FBXO8: variants seen among roughly 807,000 people sequenced by gnomAD.
FBXO8 encodes F-box only protein 8.
FBXO8 carries 15 observed loss-of-function variants against 33.4 expected under a neutral mutation model. The ratio of observed to expected loss-of-function variants is 0.45; its 90% CI spans 0.30 to 0.69. The LOEUF (loss-of-function observed/expected upper bound fraction) is 0.69, where lower values mean the gene tolerates loss of function less well. Among genes scored for constraint, FBXO8 ranks in the 30% least tolerant of loss-of-function variants. The pLI is 0.08. For synonymous variants in FBXO8, 132 were observed against 131.5 expected, an observed-to-expected ratio of 1.00 and a Z score of -0.02; for missense variants, 274 against 380.3, an observed-to-expected ratio of 0.72 and a Z score of 2.32.
In FBXO8 at chr4:174,265,463, G is replaced by A. The variant is rs1009426456; in HGVS notation, c.-8-2363C>T. On this transcript the variant is annotated intron_variant, in intron 1 of 5. Coordinates refer to ENST00000393674, the MANE Select transcript of FBXO8 (RefSeq NM_012180.3). The surrounding 1 kb of genome is among the most constrained non-coding windows in gnomAD (Gnocchi z 4.7). ...GCAACTACGATGTACTTCATTATGC[G>A]AATGTATAAATAAGCTGTGGTACAG... 3.9e-5 allele frequency among the ~76,000 whole-genome samples: 6 copies of A among 152,106 alleles called. No homozygotes were observed. The highest frequency in any genetic ancestry group is 1.9e-4 in the East Asian group (1 of 5,194).
chr4:174,274,724 C>T lies in FBXO8; in HGVS notation c.-9+8686G>A, dbSNP rs187204497. On this transcript the variant is annotated intron_variant, in intron 1 of 5. Transcript: ENST00000393674. The surrounding 1 kb of genome is among the most constrained non-coding windows in gnomAD (Gnocchi z 4.0). ...AGAAAATATTTGTTGAATGAATAAACGATTAGTAAGCACTGATTTTAAAAA... is the reference window on the plus strand; with the variant it reads ...AGAAAATATTTGTTGAATGAATAAATGATTAGTAAGCACTGATTTTAAAAA... 1.6e-4 allele frequency among the ~76,000 whole-genome samples: 24 copies of T among 152,248 alleles called. No homozygotes were observed. In the East Asian group the frequency reaches 3.3e-3, roughly 21 times the overall value.
rs191273774 is a variant in FBXO8 at position 174,272,110 on chromosome 4, G to A, written c.-8-9010C>T. Reference sequence around the variant, plus strand: ...AACAAAACAAAAGCAATGGGATAACGTCAAAAGGACATTAGGAGCTAATTT... The same window carrying A: ...AACAAAACAAAAGCAATGGGATAACATCAAAAGGACATTAGGAGCTAATTT... On this transcript the variant is annotated intron_variant, in intron 1 of 5. Transcript: ENST00000393674. This position sits in a 1 kb window ranked among gnomAD's most constrained non-coding sequence, Gnocchi z 4.7. Among the ~76,000 whole-genome samples the A allele has an allele frequency of 1.3e-3, 205 of 152,272 alleles. 1 individual carries two copies. Among genetic ancestry groups the A allele is most frequent in the Middle Eastern group, 3.4e-3 (1 of 294 alleles).
intron 3 of FBXO8, among the ~76,000 whole-genome samples, chr4:174,249,435 T>G (rs1454723865): frequency 1.3e-5 from 2 of 152,074 alleles, no homozygotes; most frequent in Non-Finnish European, 2.9e-5. Flanking sequence ...GAATTCTTGC[T>G]TTATAAGAAT....
chr4:174,262,948 C>T lies in FBXO8; in HGVS notation c.145G>A (p.Gly49Arg), dbSNP rs759998607. Residue 49 changes from glycine to arginine, a missense_variant, in exon 2 of 6, where the codon GGA becomes AGA. Physicochemically the swap from Gly to Arg is moderately radical, Grantham distance 125. Transcript: ENST00000393674. This position sits in a 1 kb window ranked among gnomAD's most constrained non-coding sequence, Gnocchi z 4.6. ...AAAAGATGATATATGTCAATGCCTC[C>T]TTGGACTTGTTTACGATGATTGGTG... The part of the protein sequence containing the change: ...SNTNHRKQVQ[G>R]GIDIYHLLKA... 5 of 1,613,884 alleles carry T rather than the reference C, an allele frequency of 3.1e-6. No homozygotes were observed. The highest frequency in any genetic ancestry group is 4.2e-6 in the Non-Finnish European group (5 of 1,179,932).
chr4:174,237,677 A>C lies in FBXO8; in HGVS notation c.773-78T>G. On this transcript the variant is annotated intron_variant, in intron 5 of 5. Transcript: ENST00000393674. This position sits in a 1 kb window ranked among gnomAD's most constrained non-coding sequence, Gnocchi z 4.4. ...TCCAATGGCATTATATAAGGCAAAA[A>C]TGTTCATAATTTCAAGATATCAAGA... The C allele has an allele frequency of 8.5e-7, 1 of 1,182,972 alleles. No individual in the cohort carries two copies. Among genetic ancestry groups the C allele is most frequent in the Middle Eastern group, 2.0e-4 (1 of 5,046 alleles). 73.3% of individuals were successfully genotyped at this position (1,182,972 alleles called of 1,614,324 possible).
Position 174,256,047 on chromosome 4 carries a change from TC to T in FBXO8, c.456+3651del, listed in dbSNP as rs1013070425. 2 of 455,336 alleles carry T rather than the reference TC, an allele frequency of 4.4e-6. No individual in the cohort carries two copies. 28.2% of individuals were successfully genotyped at this position (455,336 alleles called of 1,614,324 possible). ...CGTACCACAAACTGTGCAGATGTTC[TC>T]CCCCACCCCATGAGCCACTGCCAGC... On this transcript the variant is annotated intron_variant, in intron 3 of 5. Transcript: ENST00000393674. The surrounding 1 kb of genome is among the most constrained non-coding windows in gnomAD (Gnocchi z 4.6).
At position 174,255,658 on chromosome 4, in the gene FBXO8, T is replaced by C. The variant is rs1736398452; in HGVS notation, c.456+4041A>G. On this transcript the variant is annotated intron_variant, in intron 3 of 5. Coordinates refer to ENST00000393674, the MANE Select transcript of FBXO8 (RefSeq NM_012180.3). The surrounding 1 kb of genome is among the most constrained non-coding windows in gnomAD (Gnocchi z 4.3). ...AACAAAAACTGTTTAAAAACACAAT[T>C]ACACAAACAAAAATAAGCCTATATT... is the stretch of plus-strand genomic sequence containing the variant. 6.6e-6 allele frequency among the ~76,000 whole-genome samples: 1 copy of C among 151,970 alleles called. No homozygotes were observed. The highest frequency in any genetic ancestry group is 1.5e-5 in the Non-Finnish European group (1 of 67,992).
rs1736136697 is a variant in FBXO8 at position 174,245,356 on chromosome 4, T to C, written c.457-4138A>G. Reference sequence around the variant, plus strand: ...CCTGCTAGAGATTAGACTGAAGTATTGTAAGGGGTTTAGACAAGGAATTTA... The same window carrying C: ...CCTGCTAGAGATTAGACTGAAGTATCGTAAGGGGTTTAGACAAGGAATTTA... On this transcript the variant is annotated intron_variant, in intron 3 of 5. Transcript: ENST00000393674. This position sits in a 1 kb window ranked among gnomAD's most constrained non-coding sequence, Gnocchi z 4.6. Among the ~76,000 whole-genome samples the C allele has an allele frequency of 6.6e-6, 1 of 151,842 alleles. No homozygotes were observed. Among genetic ancestry groups the C allele is most frequent in the African/African-American group, 2.4e-5 (1 of 41,392 alleles).
chr4:174,281,305 T>C lies in FBXO8; in HGVS notation c.-9+2105A>G, dbSNP rs528388481. Among the ~76,000 whole-genome samples, 6 of 152,306 alleles carry C rather than the reference T, an allele frequency of 3.9e-5. No homozygotes were observed. The East Asian group carries it at 1.2e-3, about 29-fold the overall frequency. ...CAAATAGCTTATGAATCCTATGCAA[T>C]CTATTCTTGAAAAATACACGAACTG... On this transcript the variant is annotated intron_variant, in intron 1 of 5. Transcript: ENST00000393674. This position sits in a 1 kb window ranked among gnomAD's most constrained non-coding sequence, Gnocchi z 4.6.
chr4:174,239,614 G>C (rs1032048821), intron 4 of FBXO8, among the ~76,000 whole-genome samples: 2 of 151,676 alleles, frequency 1.3e-5, no homozygotes, highest in Non-Finnish European at 3.0e-5. Context: ...TATTTACATA[G>C]ACTTTTAAGA....
chr4:174,250,852 T>C (rs1193330093), intron 3 of FBXO8, among the ~76,000 whole-genome samples: 1 of 152,172 alleles, frequency 6.6e-6, no homozygotes, highest in Non-Finnish European at 1.5e-5. Context: ...GAAAGACATG[T>C]AGAGGCAGAC....
At chr4:174,238,441 C>T (rs1444400203) in intron 5 of FBXO8, among the ~76,000 whole-genome samples, 9 of 151,370 alleles carry the variant, frequency 5.9e-5, no homozygotes, top group Non-Finnish European at 1.5e-5. Flanking sequence ...ATCAGATAAG[C>T]ACAATAAAAT....
intron 1 of FBXO8, among the ~76,000 whole-genome samples, chr4:174,280,022 G>T (rs1054712990): frequency 2.0e-5 from 3 of 151,866 alleles, no homozygotes; most frequent in Non-Finnish European, 4.4e-5. Flanking sequence ...AAAAAATTGT[G>T]CATCAAAAGA....
rs1426985186 is a variant in FBXO8, at chr4:174,272,356, C to G, written c.-8-9256G>C. On this transcript the variant is annotated intron_variant, in intron 1 of 5. Transcript: ENST00000393674. This position sits in a 1 kb window ranked among gnomAD's most constrained non-coding sequence, Gnocchi z 4.7. Reference sequence around the variant, plus strand: ...TCATCTCTAGATTACTTATAACATCCAATAAGATGTAAATGCTATGTAAAT... The same window carrying G: ...TCATCTCTAGATTACTTATAACATCGAATAAGATGTAAATGCTATGTAAAT... 6.6e-6 allele frequency among the ~76,000 whole-genome samples: 1 copy of G among 152,094 alleles called. No individual in the cohort carries two copies.
At position 174,263,391 on chromosome 4, in the gene FBXO8, G is replaced by A. The variant is rs553789977; in HGVS notation, c.-8-291C>T. 6.6e-6 allele frequency among the ~76,000 whole-genome samples: 1 copy of A among 152,276 alleles called. No individual in the cohort carries two copies. Among genetic ancestry groups the A allele is most frequent in the East Asian group, 1.9e-4 (1 of 5,184 alleles). On this transcript the variant is annotated intron_variant, in intron 1 of 5. Coordinates refer to ENST00000393674, the MANE Select transcript of FBXO8 (RefSeq NM_012180.3). This position sits in a 1 kb window ranked among gnomAD's most constrained non-coding sequence, Gnocchi z 4.2. ...ATTTTTCACGTGGTAAGATTTAAAAGTTACTGATGTCCTTAATACTCTTAC... is the reference window on the plus strand; with the variant it reads ...ATTTTTCACGTGGTAAGATTTAAAAATTACTGATGTCCTTAATACTCTTAC...
chr4:174,239,953 C>A (rs1425061676), intron 4 of FBXO8, among the ~76,000 whole-genome samples: 1 of 151,592 alleles, frequency 6.6e-6, no homozygotes, highest in African/African-American at 2.4e-5. Context: ...TTGCATATAA[C>A]AGGAACAGGC....
rs1208837383 is a variant in FBXO8, at chr4:174,254,609, T to TTGCTTTCAGGTTTATTGCCTTACCC, written c.456+5065_456+5089dup. Among the ~76,000 whole-genome samples, 5 of 152,200 alleles carry TTGCTTTCAGGTTTATTGCCTTACCC rather than the reference T, an allele frequency of 3.3e-5. No individual in the cohort carries two copies. Among genetic ancestry groups the TTGCTTTCAGGTTTATTGCCTTACCC allele is most frequent in the Admixed American group, 1.3e-4 (2 of 15,278 alleles). ...TACAGGCAGTTATTTGAATTCAATA[T>TTGCTTTCAGGTTTATTGCCTTACCC]TGCTTTCAGGTTTATTGCCTTACCC... On this transcript the variant is annotated intron_variant, in intron 3 of 5. Coordinates refer to ENST00000393674, the MANE Select transcript of FBXO8 (RefSeq NM_012180.3). This position sits in a 1 kb window ranked among gnomAD's most constrained non-coding sequence, Gnocchi z 4.2.
At chr4:174,238,761 A>G (rs904637074) in intron 5 of FBXO8, among the ~76,000 whole-genome samples, 7 of 99,380 alleles carry the variant, frequency 7.0e-5, no homozygotes, top group Non-Finnish European at 1.4e-4. Context: ...ATAGCCATGT[A>G]TATATATATA....
At chr4:174,249,532 G>T (rs1160587778) in intron 3 of FBXO8, among the ~76,000 whole-genome samples, 7 of 151,782 alleles carry the variant, frequency 4.6e-5, no homozygotes, top group Non-Finnish European at 8.8e-5. Flanking sequence ...ATATTACCTA[G>T]ATCTTAATAT....
Sources: gnomAD v4.1 joint callset for allele counts (sites outside exome capture counted in the v4.1 genomes callset) on GRCh38, gnomAD v4.1.1 for gene constraint, Gnocchi (gnomAD v3.1) non-coding constraint, MANE v1.5 for transcripts, NCBI Gene and HGNC (gene_info 2026-07-23, HGNC 2026-07-21) for gene names.